PHF21B: variants seen among roughly 807,000 people sequenced by gnomAD.
PHF21B encodes the protein PHD finger protein 4.
In PHF21B, 22 loss-of-function variants were observed where a neutral mutation model predicts 62.2. The ratio of observed to expected loss-of-function variants is 0.35; its 90% CI spans 0.25 to 0.51. The LOEUF (loss-of-function observed/expected upper bound fraction) is 0.51, where lower values mean the gene tolerates loss of function less well. Ranked by LOEUF, PHF21B falls within the 20% of genes least tolerant of loss-of-function variation. The pLI, the probability that PHF21B is intolerant of heterozygous loss-of-function variation, is 0.97. For synonymous variants in PHF21B, 341 were observed against 314.7 expected, an observed-to-expected ratio of 1.08 and a Z score of -0.88; for missense variants, 701 against 707.9, an observed-to-expected ratio of 0.99 and a Z score of 0.11.
chr22:44,978,639 G>A (rs932178628), intron 2 of PHF21B, among the ~76,000 whole-genome samples: 4 of 152,224 alleles, frequency 2.6e-5, no homozygotes, highest in Admixed American at 6.5e-5. Context: ...GATTACAGGC[G>A]TGAGCCACCA....
At chr22:44,965,753 G>A (rs1012165066) in intron 2 of PHF21B, among the ~76,000 whole-genome samples, 50 of 152,316 alleles carry the variant, frequency 3.3e-4, no homozygotes, top group African/African-American at 1.1e-3. Context: ...AAGTCAGACT[G>A]CCACACTGGA....
intron 2 of PHF21B, among the ~76,000 whole-genome samples, chr22:44,941,516 C>G (rs982504658): frequency 6.6e-6 from 1 of 152,182 alleles, no homozygotes; most frequent in Non-Finnish European, 1.5e-5. Flanking sequence ...AGGTGGGTCA[C>G]AAAGACCTGA....
At chr22:45,007,421 G>A (rs1299744885) in intron 2 of PHF21B, among the ~76,000 whole-genome samples, 1 of 150,982 alleles carries the variant, frequency 6.6e-6, no homozygotes, top group Non-Finnish European at 1.5e-5. Flanking sequence ...GGGCTGGGGT[G>A]GGAGCGCGGG....
chr22:44,976,573 C>T (rs965399262), intron 2 of PHF21B, among the ~76,000 whole-genome samples: 10 of 152,284 alleles, frequency 6.6e-5, no homozygotes, highest in African/African-American at 1.9e-4. Context: ...TTGACTGTTC[C>T]GTCTTGTTTC....
At chr22:44,975,712 A>G (rs550592238) in intron 2 of PHF21B, among the ~76,000 whole-genome samples, 7 of 152,308 alleles carry the variant, frequency 4.6e-5, no homozygotes, top group South Asian at 2.1e-4. Flanking sequence ...ACGCCCAGTA[A>G]AGAGGCTGCC....
intron 2 of PHF21B, among the ~76,000 whole-genome samples, chr22:44,928,419 C>A (rs2071675060): frequency 6.6e-6 from 1 of 151,946 alleles, no homozygotes; most frequent in Non-Finnish European, 1.5e-5. Flanking sequence ...ATGAAAGGAA[C>A]TTTTTTTTGA....
chr22:44,889,793 G>A lies in PHF21B; in HGVS notation c.1016-11C>T, dbSNP rs771482523. ...AGGGGTCCTCATTGGCTAGCACAGG[G>A]AAGAAGGGCGGAGAACACGTTAGTG... is the stretch of plus-strand genomic sequence containing the variant. On this transcript the variant is annotated splice_polypyrimidine_tract_variant and intron_variant, in intron 8 of 12. Coordinates refer to ENST00000313237, the MANE Select transcript of PHF21B (RefSeq NM_138415.5). 3.9e-6 allele frequency: 6 copies of A among 1,554,520 alleles called. No individual in the cohort carries two copies. The highest frequency in any genetic ancestry group is 2.5e-5 in the South Asian group (2 of 80,070).
rs933673122 is a variant in PHF21B, at chr22:44,896,505, C to T, written c.832-422G>A. On this transcript the variant is annotated intron_variant, in intron 5 of 12. Coordinates refer to ENST00000313237, the MANE Select transcript of PHF21B (RefSeq NM_138415.5). The stretch of plus-strand genomic sequence containing the variant: ...CTTGAAAACACTGGATACACGTATT[C>T]AAATATACTTTAAAGAGCTAAGGTG... Among the ~76,000 whole-genome samples, 16 of 152,296 alleles carry T rather than the reference C, an allele frequency of 1.1e-4. 1 individual carries two copies. Among genetic ancestry groups the T allele is most frequent in the Admixed American group, 6.5e-4 (10 of 15,300 alleles).
In PHF21B at chr22:44,995,678, C is replaced by T. The variant is rs11912109; in HGVS notation, c.120+12867G>A. ...GATGCTAAGGTTCTAGAATCTTCGG[C>T]GCGTCGAGTCTGACTCAGTCACTGC... On this transcript the variant is annotated intron_variant, in intron 2 of 12. Coordinates refer to ENST00000313237, the MANE Select transcript of PHF21B (RefSeq NM_138415.5). Among the ~76,000 whole-genome samples the T allele has an allele frequency of 2.7e-3, 412 of 152,242 alleles. 4 individuals carry two copies. Among genetic ancestry groups the T allele is most frequent in the African/African-American group, 9.4e-3 (390 of 41,528 alleles).
chr22:44,959,886 G>A (rs1360101741), intron 2 of PHF21B, among the ~76,000 whole-genome samples: 1 of 152,230 alleles, frequency 6.6e-6, no homozygotes, highest in African/African-American at 2.4e-5. Context: ...AGCAAGGGCA[G>A]GGGCTGAGCC....
chr22:44,997,201 C>T (rs1044819489), intron 2 of PHF21B, among the ~76,000 whole-genome samples: 5 of 152,142 alleles, frequency 3.3e-5, no homozygotes, highest in East Asian at 1.9e-4. Flanking sequence ...CAGTCCCTTA[C>T]GCTGAAGGTC....
chr22:44,934,182 CAG>C (rs1240106716), intron 2 of PHF21B, among the ~76,000 whole-genome samples: 5 of 152,176 alleles, frequency 3.3e-5, no homozygotes, highest in African/African-American at 1.2e-4. Context: ...GCACGGGGCT[CAG>C]AGTCCCATCG....
intron 3 of PHF21B, among the ~76,000 whole-genome samples, chr22:44,916,974 C>T (rs1021709393): frequency 6.6e-6 from 1 of 152,250 alleles, no homozygotes; most frequent in Non-Finnish European, 1.5e-5. Context: ...GATCAAGTCC[C>T]AAGCGGCAAA....
intron 2 of PHF21B, among the ~76,000 whole-genome samples, chr22:44,921,206 G>A (rs1341945308): frequency 2.0e-5 from 3 of 152,274 alleles, no homozygotes; most frequent in African/African-American, 7.2e-5. Flanking sequence ...TAGCAGGGTG[G>A]ACATTCAGGG....
In PHF21B at chr22:44,992,753, G is replaced by T. The variant is rs898399338; in HGVS notation, c.120+15792C>A. Among the ~76,000 whole-genome samples, 4 of 152,250 alleles carry T rather than the reference G, an allele frequency of 2.6e-5. No individual in the cohort carries two copies. The East Asian group carries it at 7.7e-4, about 29-fold the overall frequency. ...TAGGCATAAGAATGAGTGATGTGGC[G>T]GGGTGGGGGACAGGAGGACGGGAGT... is the stretch of plus-strand genomic sequence containing the variant. On this transcript the variant is annotated intron_variant, in intron 2 of 12. Transcript: ENST00000313237.
intron 2 of PHF21B, among the ~76,000 whole-genome samples, chr22:44,923,694 A>G (rs935064266): frequency 6.6e-6 from 1 of 152,194 alleles, no homozygotes. Context: ...ATTAAAATGA[A>G]CACAATATTT....
intron 2 of PHF21B, among the ~76,000 whole-genome samples, chr22:44,939,513 A>AG (rs1282436979): frequency 6.6e-6 from 1 of 152,210 alleles, no homozygotes; most frequent in Non-Finnish European, 1.5e-5. Flanking sequence ...GGGGCGGCAG[A>AG]GGGGGCTCAA....
At chr22:44,999,384 G>A (rs1253992305) in intron 2 of PHF21B, among the ~76,000 whole-genome samples, 1 of 152,100 alleles carries the variant, frequency 6.6e-6, no homozygotes, top group Non-Finnish European at 1.5e-5. Flanking sequence ...TGGCTTTTGT[G>A]CTGCAGACTC....
At chr22:44,990,519 G>A (rs927060214) in intron 2 of PHF21B, among the ~76,000 whole-genome samples, 1 of 152,216 alleles carries the variant, frequency 6.6e-6, no homozygotes, top group Non-Finnish European at 1.5e-5. Flanking sequence ...TACAACATGC[G>A]TGAATTACGC....
Sources: gnomAD v4.1 joint callset for allele counts (sites outside exome capture counted in the v4.1 genomes callset) on GRCh38, gnomAD v4.1.1 for gene constraint, MANE v1.5 for transcripts, NCBI Gene and HGNC (gene_info 2026-07-23, HGNC 2026-07-21) for gene names.